Variants in HK1 observed in about 807,000 individuals in gnomAD.
The protein encoded by HK1 is hexokinase 1.
HK1 carries 28 observed loss-of-function variants against 91.6 expected under a neutral mutation model. The observed-to-expected ratio is 0.31, with a 90% confidence interval of 0.23 to 0.42. The LOEUF (loss-of-function observed/expected upper bound fraction) is 0.42. HK1 is among the 10% of genes least tolerant of loss of function. HK1 has a pLI of 1.00. For missense variants in HK1, 770 were observed against 1,219.8 expected (o/e 0.63, Z 5.49); for synonymous variants, 430 against 468.1 (o/e 0.92, Z 1.05).
At chr10:69,345,157 G>A (rs1266874541) in intron 2 of HK1, among the ~76,000 whole-genome samples, 1 of 152,158 alleles carries the variant, frequency 6.6e-6, no homozygotes, top group African/African-American at 2.4e-5. Flanking sequence ...TCCTGAATGA[G>A]ATTTGGACGC....
chr10:69,386,522 G>A, intron 13 of HK1, 104 bp downstream of exon 13: 2 of 875,820 alleles, frequency 2.3e-6, no homozygotes, highest in Non-Finnish European at 3.6e-6. Flanking sequence ...GGTGGCTCAC[G>A]CCTGTAATCC....
chr10:69,292,111 C>T (rs1845320041), intron 3 of HK1: 1 of 173,726 alleles, frequency 5.8e-6, no homozygotes, highest in Non-Finnish European at 1.2e-5. Flanking sequence ...TGCCCTGTCA[C>T]CCAGGTTGGA....
intron 1 of HK1, among the ~76,000 whole-genome samples, chr10:69,325,552 G>T (rs1388837916): frequency 6.7e-6 from 1 of 149,290 alleles, no homozygotes; most frequent in African/African-American, 2.5e-5. Context: ...TTGAGATGGG[G>T]TCTCACTCTG....
At position 69,285,020 on chromosome 10, in the gene HK1, T is replaced by C. The variant is rs181099053; in HGVS notation, c.-215+2316T>C. On this transcript the variant is annotated intron_variant, in intron 2 of 21. Transcript: ENST00000360289. ...TTTTAGTAGAGACAGGGTTTCACCA[T>C]GTTGGCCATGATGGTCTCGAACTCC... 2.3e-3 allele frequency among the ~76,000 whole-genome samples: 348 copies of C among 152,106 alleles called. 2 individuals carry two copies. The highest frequency in any genetic ancestry group is 8.1e-3 in the African/African-American group (335 of 41,536).
intron 15 of HK1, among the ~76,000 whole-genome samples, chr10:69,394,065 TTC>T (rs1840031962): frequency 6.6e-6 from 1 of 152,242 alleles, no homozygotes. Context: ...TGTGATTCCA[TTC>T]TGTTTCATGT....
At chr10:69,379,302 T>C (rs926750651) in intron 8 of HK1, among the ~76,000 whole-genome samples, 1 of 152,038 alleles carries the variant, frequency 6.6e-6, no homozygotes, top group Admixed American at 6.6e-5. Flanking sequence ...AAAGATAGAG[T>C]GTATGTATAT....
chr10:69,325,646 G>A (rs1847312627), intron 1 of HK1, among the ~76,000 whole-genome samples: 1 of 148,266 alleles, frequency 6.7e-6, no homozygotes, highest in Admixed American at 6.7e-5. Context: ...CTGCCTCAGT[G>A]CCCCCCCCTG....
intron 2 of HK1, among the ~76,000 whole-genome samples, chr10:69,287,361 C>T (rs772869653): frequency 4.6e-5 from 7 of 152,172 alleles, no homozygotes; most frequent in Admixed American, 1.3e-4. Flanking sequence ...GGAACCGCCC[C>T]CATGATCCAA....
chr10:69,302,006 G>A (rs1306431906), intron 5 of HK1, among the ~76,000 whole-genome samples: 2 of 152,090 alleles, frequency 1.3e-5, no homozygotes, highest in Non-Finnish European at 2.9e-5. Context: ...AGAACTTTGG[G>A]AGGCCGAAAC....
chr10:69,310,308 C>T (rs1288529927), intron 5 of HK1, among the ~76,000 whole-genome samples: 1 of 151,102 alleles, frequency 6.6e-6, no homozygotes, highest in African/African-American at 2.4e-5. Context: ...CTAATCCCAG[C>T]TGCTTGGGAG....
intron 1 of HK1, chr10:69,271,210 C>T (rs971078240): frequency 2.0e-5 from 3 of 152,088 alleles, no homozygotes; most frequent in African/African-American, 7.2e-5. Flanking sequence ...TCCTTTAGAT[C>T]AGGAACTCTC....
At chr10:69,341,408 G>C (rs1216531004) in intron 1 of HK1, among the ~76,000 whole-genome samples, 1 of 151,632 alleles carries the variant, frequency 6.6e-6, no homozygotes, top group Non-Finnish European at 1.5e-5. Flanking sequence ...CAATCTGCCT[G>C]CCTTAGCCTC....
At chr10:69,302,554 C>A (rs938331861) in intron 5 of HK1, among the ~76,000 whole-genome samples, 1 of 151,464 alleles carries the variant, frequency 6.6e-6, no homozygotes, top group Non-Finnish European at 1.5e-5. Flanking sequence ...GAAAGAAAAG[C>A]CTTTCAACAG....
At chr10:69,367,336 G>C (rs895165848) in intron 4 of HK1, among the ~76,000 whole-genome samples, 4 of 152,192 alleles carry the variant, frequency 2.6e-5, no homozygotes, top group Admixed American at 2.6e-4. Context: ...CTTCAAGATT[G>C]TCCACTTCTA....
chr10:69,283,719 T>C (rs1363142474), intron 2 of HK1, among the ~76,000 whole-genome samples: 3 of 131,720 alleles, frequency 2.3e-5, no homozygotes, highest in Non-Finnish European at 4.6e-5. Flanking sequence ...AGGCGGAGGC[T>C]GCAACAAGAG....
chr10:69,353,237 G>A (rs775953117), intron 2 of HK1, among the ~76,000 whole-genome samples: 1 of 152,116 alleles, frequency 6.6e-6, no homozygotes, highest in Non-Finnish European at 1.5e-5. Flanking sequence ...AAAATAGAGC[G>A]AATAAACCAA....
intron 1 of HK1, among the ~76,000 whole-genome samples, chr10:69,340,787 G>A (rs1031401573): frequency 2.6e-5 from 4 of 152,144 alleles, no homozygotes; most frequent in Non-Finnish European, 4.4e-5. Context: ...CAGTAAAGCC[G>A]TCCCAAGGCT....
chr10:69,293,032 G>A (rs1419137437), intron 3 of HK1, among the ~76,000 whole-genome samples: 1 of 152,190 alleles, frequency 6.6e-6, no homozygotes, highest in Non-Finnish European at 1.5e-5. Context: ...GGACAAGACT[G>A]ATTTGGCCTC....
At position 69,351,407 on chromosome 10, in the gene HK1, G is replaced by A. The variant is rs535386550; in HGVS notation, c.226+7418G>A. 2.0e-5 allele frequency among the ~76,000 whole-genome samples: 3 copies of A among 152,254 alleles called. No individual in the cohort carries two copies. In the East Asian group the frequency reaches 5.8e-4, roughly 29 times the overall value. ...GGCTGTAATCCCAGCTACTGGGGAG[G>A]CTGAGGCAAGAGAATCGCTTGAACC... is the stretch of plus-strand genomic sequence containing the variant. On this transcript the variant is annotated intron_variant, in intron 2 of 17. Coordinates refer to ENST00000359426, the MANE Select transcript of HK1 (RefSeq NM_000188.3).
Sources: gnomAD v4.1 joint callset for allele counts (sites outside exome capture counted in the v4.1 genomes callset) on GRCh38, gnomAD v4.1.1 for gene constraint, MANE v1.5 for transcripts, NCBI Gene and HGNC (gene_info 2026-07-23, HGNC 2026-07-21) for gene names.